The following STAT3 variants were observed in gnomAD, a reference collection of about 807,000 sequenced individuals.
The protein encoded by STAT3 is signal transducer and activator of transcription 3, also known as DNA-binding protein APRF.
Under a neutral mutation model 114.3 loss-of-function variants are expected in STAT3, and 7 were observed. That is an observed-to-expected ratio of 0.06 (90% confidence interval 0.03 to 0.11). The LOEUF is 0.11. Ranked by LOEUF, STAT3 falls within the 10% of genes least tolerant of loss-of-function variation. The pLI, the probability that STAT3 is intolerant of heterozygous loss-of-function variation, is 1.00. For missense variants in STAT3, 364 were observed against 960.9 expected, an observed-to-expected ratio of 0.38 and a Z score of 8.21; for synonymous variants, 331 against 354.5, an observed-to-expected ratio of 0.93 and a Z score of 0.74.
At chr17:42,349,406 A>G (rs1173904625) in intron 1 of STAT3, among the ~76,000 whole-genome samples, 2 of 152,182 alleles carry the variant, frequency 1.3e-5, no homozygotes, top group Admixed American at 1.3e-4. Context: ...TCTCCTCCAC[A>G]GCCCTTTTAG....
rs2082719329 is a variant in STAT3, at chr17:42,346,855, C to T, written c.129-142G>A. 6.0e-6 allele frequency: 7 copies of T among 1,167,934 alleles called. No homozygotes were observed. The African/African-American group carries it at 6.2e-5, about 10-fold the overall frequency. The allele number at this position is 1,167,934 out of a possible 1,614,324, so 72.3% of individuals were successfully genotyped here. A position where few individuals can be genotyped will look rare whatever the true frequency, so the allele number is the denominator to read the frequency against. Reference sequence around the variant, plus strand: ...AACCCATTCATCATGTTAGATTCTTCTTGCTCAGCAATAAAATGCCATCAA... The same window carrying T: ...AACCCATTCATCATGTTAGATTCTTTTTGCTCAGCAATAAAATGCCATCAA... On this transcript the variant is annotated intron_variant, in intron 2 of 23. Transcript: ENST00000264657.
At chr17:42,350,337 G>A (rs1224342790) in intron 1 of STAT3, among the ~76,000 whole-genome samples, 1 of 152,138 alleles carries the variant, frequency 6.6e-6, no homozygotes, top group East Asian at 1.9e-4. Context: ...TGAAAGGTGC[G>A]ATCGTGGAAC....
intron 21 of STAT3, 21 bp downstream of exon 21, chr17:42,322,261 G>A: frequency 1.2e-6 from 2 of 1,614,072 alleles, no homozygotes; most frequent in Non-Finnish European, 1.7e-6. Flanking sequence ...TTAAATGCCA[G>A]GAACATGGAA....
At chr17:42,354,177 T>C (rs1326352886) in intron 1 of STAT3, among the ~76,000 whole-genome samples, 1 of 147,822 alleles carries the variant, frequency 6.8e-6, no homozygotes, top group Admixed American at 6.7e-5. Context: ...GTGTTCTTTT[T>C]TTTTTTTTTT....
At chr17:42,366,670 CAAAAAA>C (rs34003618) in intron 1 of STAT3, among the ~76,000 whole-genome samples, 1 of 57,602 alleles carries the variant, frequency 1.7e-5, no homozygotes, top group Middle Eastern at 0.012. Flanking sequence ...GATCCTGTCT[CAAAAAA>C]AAAAAAAAAA....
intron 10 of STAT3, among the ~76,000 whole-genome samples, chr17:42,332,089 A>G (rs1347118408): frequency 6.6e-6 from 1 of 151,534 alleles, no homozygotes; most frequent in Non-Finnish European, 1.5e-5. Context: ...CACCACGCTC[A>G]GCTAATTTTG....
chr17:42,335,912 T>C (rs1247672780), intron 8 of STAT3, among the ~76,000 whole-genome samples: 1 of 152,106 alleles, frequency 6.6e-6, no homozygotes, highest in Non-Finnish European at 1.5e-5. Context: ...CATTCTTTGA[T>C]GGTTTATCAC....
intron 1 of STAT3, among the ~76,000 whole-genome samples, chr17:42,379,262 A>G (rs1311981979): frequency 3.9e-5 from 6 of 152,178 alleles, no homozygotes; most frequent in Admixed American, 3.9e-4. Flanking sequence ...TACGGCCAGG[A>G]AAAAAGAAAA....
chr17:42,357,060 T>C (rs2083263846), intron 1 of STAT3, among the ~76,000 whole-genome samples: 1 of 152,162 alleles, frequency 6.6e-6, no homozygotes, highest in Non-Finnish European at 1.5e-5. Context: ...GGTGCTGGGA[T>C]TACAGGTGTG....
intron 1 of STAT3, among the ~76,000 whole-genome samples, chr17:42,377,447 CTAAGAT>C (rs2084529827): frequency 6.6e-6 from 1 of 152,036 alleles, no homozygotes; most frequent in South Asian, 2.1e-4. Flanking sequence ...TGAGTATTCT[CTAAGAT>C]AAAGTGACAA....
intron 2 of STAT3, among the ~76,000 whole-genome samples, chr17:42,347,191 A>AAT (rs2082738316): frequency 6.6e-6 from 1 of 150,918 alleles, no homozygotes; most frequent in Admixed American, 6.6e-5. Context: ...TCTCAAAAAA[A>AAT]AAAAAAAAAA....
chr17:42,364,227 CTA>C (rs1195439682), intron 1 of STAT3, among the ~76,000 whole-genome samples: 3 of 152,144 alleles, frequency 2.0e-5, no homozygotes, highest in Non-Finnish European at 4.4e-5. Context: ...AAAGATCAGC[CTA>C]TATATAGGTT....
chr17:42,317,090 T>C (rs2081283797), intron 22 of STAT3, 92 bp downstream of exon 22: 1 of 1,597,976 alleles, frequency 6.3e-7, no homozygotes, highest in Non-Finnish European at 8.5e-7. Context: ...GCTTCCAACC[T>C]TTGGCAGATT....
At position 42,359,456 on chromosome 17, in the gene STAT3, G is replaced by T. The variant is rs1160505460; in HGVS notation, c.-23-10917C>A. On this transcript the variant is annotated intron_variant, in intron 1 of 23. Transcript: ENST00000264657. ...GAGAGAAGGGAGGTCAGGAGAGCTG[G>T]GTGGTGACCTGATCAAATATCTCCA... Among the ~76,000 whole-genome samples, 5 of 152,104 alleles carry T rather than the reference G, an allele frequency of 3.3e-5. No homozygotes were observed. In the East Asian group the frequency reaches 9.6e-4, roughly 29 times the overall value.
rs777387764 is a variant in STAT3, at chr17:42,346,560, T to C, written c.273+9A>G. ...CCTGTTTCTCCTTGTCCTCAGTTTC[T>C]CATCATACCTGAAGAAACTGCTTGA... On this transcript the variant is annotated intron_variant, in intron 3 of 23. Coordinates refer to ENST00000264657, the MANE Select transcript of STAT3 (RefSeq NM_139276.3). 1 of 1,614,152 alleles carries C rather than the reference T, an allele frequency of 6.2e-7. No individual in the cohort carries two copies. Among genetic ancestry groups the C allele is most frequent in the Admixed American group, 1.7e-5 (1 of 60,024 alleles).
chr17:42,350,383 G>A (rs1012620747), intron 1 of STAT3, among the ~76,000 whole-genome samples: 3 of 152,152 alleles, frequency 2.0e-5, no homozygotes, highest in African/African-American at 7.2e-5. Flanking sequence ...CTGGGCTCAG[G>A]CAATCCTCCT....
At chr17:42,388,234 G>A in intron 1 of STAT3, 45 bp downstream of exon 1, 2 of 1,231,558 alleles carry the variant, frequency 1.6e-6, no homozygotes, top group South Asian at 4.1e-5. Context: ...CGGAGCCCCC[G>A]GGTCCCCAGG....
intron 1 of STAT3, among the ~76,000 whole-genome samples, chr17:42,350,924 A>G (rs1413476895): frequency 6.6e-6 from 1 of 152,112 alleles, no homozygotes; most frequent in Non-Finnish European, 1.5e-5. Flanking sequence ...TGAGGTCAGG[A>G]GATCGAGACC....
chr17:42,333,661 G>A lies in STAT3; in HGVS notation c.1049+12C>T, dbSNP rs2082114865. The A allele has an allele frequency of 6.2e-7, 1 of 1,613,808 alleles. No homozygotes were observed. The highest frequency in any genetic ancestry group is 8.5e-7 in the Non-Finnish European group (1 of 1,179,818). ...TAAAATCTCTACTGGAAATGGAAGT[G>A]GCATGGCCTACCTGACTTTAGTAGT... On this transcript the variant is annotated intron_variant, in intron 10 of 23. Coordinates refer to ENST00000264657, the MANE Select transcript of STAT3 (RefSeq NM_139276.3). This position sits in a 1 kb window ranked among gnomAD's most constrained non-coding sequence, Gnocchi z 5.2.
Sources: gnomAD v4.1 joint callset for allele counts (sites outside exome capture counted in the v4.1 genomes callset) on GRCh38, gnomAD v4.1.1 for gene constraint, Gnocchi (gnomAD v3.1) non-coding constraint, MANE v1.5 for transcripts, NCBI Gene and HGNC (gene_info 2026-07-23, HGNC 2026-07-21) for gene names.